The following PFKP variants were observed in gnomAD, a reference collection of about 807,000 sequenced individuals.
PFKP encodes ATP-dependent 6-phosphofructokinase, platelet type.
PFKP carries 101 observed loss-of-function variants against 94.3 expected under a neutral mutation model. The ratio of observed to expected loss-of-function variants is 1.07; its 90% confidence interval spans 0.91 to 1.26. The LOEUF (loss-of-function observed/expected upper bound fraction) is 1.26, where lower values mean the gene tolerates loss of function less well. PFKP is among the 50% of genes most tolerant of loss of function. PFKP has a pLI of 0.00. For synonymous variants in PFKP, 573 were observed against 432.6 expected (o/e 1.32, Z -4.03); for missense variants, 1,145 against 1,103.3 (o/e 1.04, Z -0.53).
At chr10:3,110,767 C>A (rs925301581) in intron 10 of PFKP, among the ~76,000 whole-genome samples, 2 of 151,620 alleles carry the variant, frequency 1.3e-5, no homozygotes, top group Non-Finnish European at 2.9e-5. Context: ...CATATACATG[C>A]AGGTTTATGC....
chr10:3,133,225 T>C lies in PFKP; in HGVS notation c.1933T>C (p.Tyr645His). 1 of 1,613,884 alleles carries C rather than the reference T, an allele frequency of 6.2e-7. No homozygotes were observed. The change falls in exon 19 of 22, where the codon TAC becomes CAC. Residue 645 changes from tyrosine to histidine, a missense_variant. Physicochemically the swap from Tyr to His is moderately conservative, Grantham distance 83. Around this residue, in one of 3 missense-constraint regions of PFKP, gnomAD observed 1,119 missense variants for 1,062.8 expected, o/e 1.05. Transcript: ENST00000381125. ...CAGAAATGAGAGCTGCAGTGAAAAC[T>C]ACACCACCGACTTCATTTACCAGCT... The part of the protein sequence containing the change: ...VLRNESCSEN[Y>H]TTDFIYQLYS...
intron 2 of PFKP, among the ~76,000 whole-genome samples, chr10:3,088,929 C>CTTAT (rs1833838407): frequency 6.6e-6 from 1 of 151,808 alleles, no homozygotes; most frequent in African/African-American, 2.4e-5. Flanking sequence ...TTATGCCTGG[C>CTTAT]TTATTTCTTA....
intron 16 of PFKP, among the ~76,000 whole-genome samples, chr10:3,127,921 CTT>C (rs1838133811): frequency 6.6e-6 from 1 of 152,218 alleles, no homozygotes; most frequent in Non-Finnish European, 1.5e-5. Flanking sequence ...TCAAAGTGCA[CTT>C]TTAGATTTCA....
intron 1 of PFKP, among the ~76,000 whole-genome samples, chr10:3,078,657 C>T (rs1229792986): frequency 6.6e-6 from 1 of 152,210 alleles, no homozygotes; most frequent in African/African-American, 2.4e-5. Context: ...ACAGCTTCAC[C>T]GCTTACTAAT....
intron 7 of PFKP, among the ~76,000 whole-genome samples, chr10:3,106,560 T>G (rs1835579558): frequency 6.9e-6 from 1 of 145,224 alleles, no homozygotes; most frequent in South Asian, 2.2e-4. Context: ...AAGAGCTCTC[T>G]TCCAGTGAGC....
At position 3,126,373 on chromosome 10, in the gene PFKP, G is replaced by C. The variant is rs567542183; in HGVS notation, c.1684-3446G>C. On this transcript the variant is annotated intron_variant, in intron 16 of 21. Transcript: ENST00000381125. ...CTGGCTCATTCCCAGGACTTCCTTG[G>C]GCCCCGCACTTGACCCCTGTTGGGT... is the stretch of plus-strand genomic sequence containing the variant. 2.0e-5 allele frequency among the ~76,000 whole-genome samples: 3 copies of C among 152,306 alleles called. No homozygotes were observed. In the East Asian group the frequency reaches 5.8e-4, roughly 29 times the overall value.
chr10:3,092,527 G>A (rs1834124747), intron 2 of PFKP, among the ~76,000 whole-genome samples: 1 of 151,998 alleles, frequency 6.6e-6, no homozygotes, highest in Non-Finnish European at 1.5e-5. Context: ...CTGGGGGAGA[G>A]GACTGGAAAT....
intron 14 of PFKP, among the ~76,000 whole-genome samples, chr10:3,118,559 A>AT (rs1837064058): frequency 6.6e-6 from 1 of 152,234 alleles, no homozygotes. Flanking sequence ...ATGAGCTGAA[A>AT]TGCTTTATTC....
chr10:3,073,845 T>A (rs564489680), intron 1 of PFKP, among the ~76,000 whole-genome samples: 32 of 152,156 alleles, frequency 2.1e-4, no homozygotes, highest in Non-Finnish European at 4.4e-4. Flanking sequence ...TTTGTTTGTT[T>A]GTTTGTTTTT....
Position 3,132,422 on chromosome 10 carries a change from C to T in PFKP, c.1891C>T (p.Gln631Ter). 4 of 1,611,264 alleles carry T rather than the reference C, an allele frequency of 2.5e-6. No homozygotes were observed. The highest frequency in any genetic ancestry group is 3.4e-6 in the Non-Finnish European group (4 of 1,177,464). Residue 631 changes from glutamine (Q) to a stop codon, truncating the protein, a stop_gained, in exon 18 of 22, where the codon CAG becomes TAG. Coordinates refer to ENST00000381125, the MANE Select transcript of PFKP (RefSeq NM_002627.5). LOFTEE classifies it high-confidence loss of function. The stretch of plus-strand genomic sequence containing the variant: ...GACGGAGAAAATGAAGACCACCATC[C>T]AGAGAGGCCTTGTGCTCAGGTGAGA... ...HLTEKMKTTI[Q>*]RGLVLRNESC...
Position 3,108,939 on chromosome 10 carries a change from G to A in PFKP, c.963+146G>A, listed in dbSNP as rs57531958. The A allele has an allele frequency of 2.0e-3, 1,353 of 666,044 alleles. 25 individuals are homozygous for A. In the East Asian group the frequency reaches 0.023, roughly 11 times the overall value. The allele number at this position is 666,044 out of a possible 1,614,324, so 41.3% of individuals were successfully genotyped here. On this transcript the variant is annotated intron_variant, in intron 9 of 21. Transcript: ENST00000381125. ...CGGCCCTCATCTTAACGATCCTTGAGACCTTTGGTGTAGACCAGTCTCTAG... is the reference window on the plus strand; with the variant it reads ...CGGCCCTCATCTTAACGATCCTTGAAACCTTTGGTGTAGACCAGTCTCTAG...
At chr10:3,101,788 T>C (rs73573161) in intron 4 of PFKP, among the ~76,000 whole-genome samples, 7,120 of 152,276 alleles carry the variant, frequency 0.047, 600 homozygotes, top group African/African-American at 0.16. Flanking sequence ...GATAGCTTTA[T>C]GGAATCCTCA....
At chr10:3,082,517 C>T (rs1833164609) in intron 2 of PFKP, 56 bp downstream of exon 2, 2 of 1,306,856 alleles carry the variant, frequency 1.5e-6, no homozygotes, top group Non-Finnish European at 2.2e-6. Flanking sequence ...CAGAGCCCTG[C>T]AGTCACCGGC....
rs765896292 is a variant in PFKP, at chr10:3,101,502, CA to C, written c.404del (p.Asn135ThrfsTer49). ...IGGDGSLTGANLFRKEWSGLL... is the reference protein window; with the variant it reads ...IGGDGSLTGAXLFRKEWSGLL... The stretch of plus-strand genomic sequence containing the variant: ...GCGGGGACGGGAGCCTCACCGGGGC[CA>C]ACCTCTTCCGGAAGGAGTGGAGTGG... On this transcript the variant is annotated frameshift_variant, in exon 4 of 22. Transcript: ENST00000381125. LOFTEE classifies it high-confidence loss of function. 1 of 1,594,180 alleles carries C rather than the reference CA, an allele frequency of 6.3e-7. No homozygotes were observed. Among genetic ancestry groups the C allele is most frequent in the East Asian group, 2.2e-5 (1 of 44,516 alleles).
intron 3 of PFKP, among the ~76,000 whole-genome samples, chr10:3,100,162 C>T (rs139978841): frequency 9.9e-5 from 15 of 151,754 alleles, no homozygotes; most frequent in African/African-American, 2.2e-4. Flanking sequence ...TCCTGAGTTG[C>T]GGCCACCTCG....
Position 3,117,682 on chromosome 10 carries a change from C to T in PFKP, c.1442+836C>T, listed in dbSNP as rs115878978. Among the ~76,000 whole-genome samples, 441 of 152,224 alleles carry T rather than the reference C, an allele frequency of 2.9e-3. 5 individuals carry two copies. Among genetic ancestry groups the T allele is most frequent in the African/African-American group, 9.4e-3 (392 of 41,534 alleles). ...GAGCTCTGTGTGTGGGTGCCCTGGA[C>T]GGTAAAGCTCTAGGTAGAGGCAGAT... is the stretch of plus-strand genomic sequence containing the variant. On this transcript the variant is annotated intron_variant, in intron 14 of 21. Coordinates refer to ENST00000381125, the MANE Select transcript of PFKP (RefSeq NM_002627.5).
Position 3,103,917 on chromosome 10 carries a change from TCGA to T in PFKP, c.596_598del (p.Asp199del). On this transcript the variant is annotated inframe_deletion, in exon 5 of 22. Transcript: ENST00000381125. ...GCCCTGCACAGGATCATCGAGGTCG[TCGA>T]CGCCATCATGACCACGGCCCAGAGG... 2 of 1,613,724 alleles carry T rather than the reference TCGA, an allele frequency of 1.2e-6. No homozygotes were observed. Among genetic ancestry groups the T allele is most frequent in the African/African-American group, 1.3e-5 (1 of 75,050 alleles).
intron 2 of PFKP, 74 bp downstream of exon 2, chr10:3,082,535 C>A: frequency 1.9e-6 from 2 of 1,054,528 alleles, no homozygotes; most frequent in East Asian, 2.5e-5. Flanking sequence ...GGCGCTCGCT[C>A]ACCCCTGCCT....
chr10:3,108,612 A>G (rs549795736), intron 8 of PFKP, 89 bp from the exon 9 acceptor site: 2 of 954,846 alleles, frequency 2.1e-6, no homozygotes, highest in South Asian at 1.3e-5. Flanking sequence ...AGAGCGAAAA[A>G]CCTTTTCCAG....
Sources: allele counts gnomAD v4.1 joint callset (sites outside exome capture counted in the v4.1 genomes callset), GRCh38; gene constraint gnomAD v4.1.1; regional missense constraint gnomAD v4.1.1; transcripts MANE v1.5; gene names NCBI Gene and HGNC (gene_info 2026-07-23, HGNC 2026-07-21).